The following ATP10A variants were observed in gnomAD, a reference collection of about 807,000 sequenced individuals.
ATP10A encodes ATPase phospholipid transporting 10A (putative).
A neutral mutation model predicts 147.8 loss-of-function variants in ATP10A; 111 were observed. The observed-to-expected ratio is 0.75, with a 90% CI of 0.64 to 0.88. ATP10A has a LOEUF of 0.88. Among genes scored for constraint, ATP10A ranks in the 40% least tolerant of loss-of-function variants. The pLI, the probability that ATP10A is intolerant of heterozygous loss-of-function variation, is 0.00. For synonymous variants in ATP10A, 875 were observed against 841.6 expected (o/e 1.04, Z -0.69); for missense variants, 1,927 against 1,959.0 (o/e 0.98, Z 0.31).
At chr15:25,700,924 T>C (rs1032931025) in intron 13 of ATP10A, among the ~76,000 whole-genome samples, 1 of 145,948 alleles carries the variant, frequency 6.9e-6, no homozygotes, top group African/African-American at 2.6e-5. Context: ...GAGAAAGAGG[T>C]CACTTAAAAA....
chr15:25,815,181 T>C (rs1199881594), intron 1 of ATP10A, among the ~76,000 whole-genome samples: 1 of 152,122 alleles, frequency 6.6e-6, no homozygotes, highest in Non-Finnish European at 1.5e-5. Context: ...TTCTCCATCA[T>C]AAGAAAAACA....
intron 16 of ATP10A, chr15:25,683,801 A>C: frequency 1.4e-5 from 5 of 366,342 alleles, no homozygotes; most frequent in East Asian, 1.2e-4. Flanking sequence ...ATAAAACAAA[A>C]TCAAGGTTTC....
intron 16 of ATP10A, among the ~76,000 whole-genome samples, chr15:25,686,109 T>C (rs1899699804): frequency 6.6e-6 from 1 of 152,130 alleles, no homozygotes; most frequent in Non-Finnish European, 1.5e-5. Flanking sequence ...TCTGAATTAA[T>C]GTCTGGGACC....
intron 1 of ATP10A, among the ~76,000 whole-genome samples, chr15:25,820,111 GATAGAA>G (rs1355428903): frequency 6.6e-6 from 1 of 152,032 alleles, no homozygotes; most frequent in Non-Finnish European, 1.5e-5. Context: ...TTGTATTATA[GATAGAA>G]ATAGAAATAC....
chr15:25,742,818 T>C (rs1383410483), intron 2 of ATP10A, among the ~76,000 whole-genome samples: 1 of 152,166 alleles, frequency 6.6e-6, no homozygotes, highest in Non-Finnish European at 1.5e-5. Flanking sequence ...TTGAACGTAT[T>C]TGTACTTAAT....
chr15:25,718,403 C>CCAA lies in ATP10A; in HGVS notation c.1364-5_1364-4insTTG. On this transcript the variant is annotated splice_polypyrimidine_tract_variant and splice_region_variant and intron_variant, in intron 7 of 20. Transcript: ENST00000555815. ...TGGTACCTGGCCAGACGCTGCGCTGCGGGGAGAGGGCGCAGGGTGAGGCAT... is the reference window on the plus strand; with the variant it reads ...TGGTACCTGGCCAGACGCTGCGCTGCCAAGGGGAGAGGGCGCAGGGTGAGGCAT... 6.3e-7 allele frequency: 1 copy of CCAA among 1,587,376 alleles called. No homozygotes were observed. The highest frequency in any genetic ancestry group is 8.5e-7 in the Non-Finnish European group (1 of 1,170,480).
At chr15:25,804,119 C>G (rs142160301) in intron 1 of ATP10A, among the ~76,000 whole-genome samples, 1 of 124,418 alleles carries the variant, frequency 8.0e-6, no homozygotes, top group African/African-American at 3.1e-5. Flanking sequence ...TGTGAGTGTG[C>G]GGTGTGTGTG....
rs1486524344 is a variant in ATP10A, at chr15:25,822,123, AGTT to A, written c.449+40522_449+40524del. On this transcript the variant is annotated intron_variant, in intron 1 of 20. Coordinates refer to ENST00000555815, the MANE Select transcript of ATP10A (RefSeq NM_024490.4). ...AATACAATGGAAATGCCACGTAAAT[AGTT>A]ATTATATTGTATTGTTTAGAGAATG... 2.6e-5 allele frequency among the ~76,000 whole-genome samples: 4 copies of A among 152,296 alleles called. 1 individual carries two copies. Among genetic ancestry groups the A allele is most frequent in the Middle Eastern group, 6.8e-3 (2 of 294 alleles).
At chr15:25,767,515 T>G (rs995517661) in intron 2 of ATP10A, among the ~76,000 whole-genome samples, 1 of 152,182 alleles carries the variant, frequency 6.6e-6, no homozygotes, top group African/African-American at 2.4e-5. Flanking sequence ...GTGAGCCCAT[T>G]GACCTGTCCA....
intron 1 of ATP10A, among the ~76,000 whole-genome samples, chr15:25,821,943 C>T (rs962061955): frequency 6.6e-6 from 1 of 152,140 alleles, no homozygotes; most frequent in Admixed American, 6.6e-5. Context: ...GTCAACCCTC[C>T]AGTACGGAAT....
intron 2 of ATP10A, among the ~76,000 whole-genome samples, chr15:25,777,096 CGTGTGT>C (rs34174555): frequency 4.7e-5 from 7 of 149,698 alleles, no homozygotes; most frequent in Non-Finnish European, 8.9e-5. Flanking sequence ...TGCATACGTG[CGTGTGT>C]GTGTGTGTGT....
intron 9 of ATP10A, among the ~76,000 whole-genome samples, chr15:25,714,965 T>C (rs28432006): frequency 0.023 from 3,344 of 145,754 alleles, 172 homozygotes; most frequent in African/African-American, 0.027. Context: ...ATGACACATA[T>C]ACACACACAC....
At chr15:25,762,435 C>A (rs532624847) in intron 2 of ATP10A, among the ~76,000 whole-genome samples, 6 of 152,236 alleles carry the variant, frequency 3.9e-5, no homozygotes, top group Non-Finnish European at 5.9e-5. Context: ...CACCACCACG[C>A]CCGGCAAATT....
chr15:25,740,876 C>T lies in ATP10A; in HGVS notation c.655-4735G>A, dbSNP rs973901603. 1.5e-4 allele frequency among the ~76,000 whole-genome samples: 23 copies of T among 152,358 alleles called. 1 individual carries two copies. In the East Asian group the frequency reaches 1.5e-3, roughly 10 times the overall value. The stretch of plus-strand genomic sequence containing the variant: ...AGCAAAGCTCTGCTCAGGGTCACTG[C>T]GCTGACCTCCTCGGCTACCATCCCT... On this transcript the variant is annotated intron_variant, in intron 2 of 20. Transcript: ENST00000555815.
intron 1 of ATP10A, among the ~76,000 whole-genome samples, chr15:25,854,594 A>G (rs1452457258): frequency 1.3e-5 from 2 of 152,240 alleles, no homozygotes; most frequent in Non-Finnish European, 2.9e-5. Flanking sequence ...AACTGACTTG[A>G]GAAGAAATAG....
At chr15:25,846,380 A>T (rs1893024875) in intron 1 of ATP10A, among the ~76,000 whole-genome samples, 1 of 152,256 alleles carries the variant, frequency 6.6e-6, no homozygotes, top group Non-Finnish European at 1.5e-5. Context: ...GCTTAAGGTT[A>T]TAAGGCTGTG....
intron 1 of ATP10A, among the ~76,000 whole-genome samples, chr15:25,850,219 C>G (rs1457631277): frequency 3.9e-5 from 6 of 151,966 alleles, no homozygotes; most frequent in Admixed American, 1.3e-4. Context: ...TTGGCTTGTT[C>G]AGAGAGAGAG....
At chr15:25,847,803 CG>C (rs1446238901) in intron 1 of ATP10A, among the ~76,000 whole-genome samples, 1 of 151,486 alleles carries the variant, frequency 6.6e-6, no homozygotes, top group Non-Finnish European at 1.5e-5. Context: ...GCTAATTTTT[CG>C]TATTTTTTGT....
chr15:25,689,358 C>T (rs144078485), intron 15 of ATP10A, among the ~76,000 whole-genome samples: 3 of 152,338 alleles, frequency 2.0e-5, no homozygotes, highest in Non-Finnish European at 2.9e-5. Context: ...TGAGCCAGAG[C>T]TCACGAAGAC....
Sources: allele counts gnomAD v4.1 joint callset (sites outside exome capture counted in the v4.1 genomes callset), GRCh38; gene constraint gnomAD v4.1.1; transcripts MANE v1.5; gene names NCBI Gene and HGNC (gene_info 2026-07-23, HGNC 2026-07-21).